YTHDC1: variants seen among roughly 807,000 people sequenced by gnomAD.
The protein encoded by YTHDC1 is YTH N6-methyladenosine RNA binding protein C1, also known as YTH domain-containing protein 1.
YTHDC1 carries 12 observed loss-of-function variants against 107.0 expected under a neutral mutation model. The ratio of observed to expected loss-of-function variants is 0.11; its 90% confidence interval spans 0.07 to 0.18. The LOEUF (loss-of-function observed/expected upper bound fraction) is 0.18. Among genes scored for constraint, YTHDC1 ranks in the 10% least tolerant of loss-of-function variants. The probability of loss-of-function intolerance (pLI) is 1.00; values close to 1 mark genes in which losing one functional copy is unlikely to be tolerated. For missense variants in YTHDC1, 635 were observed against 898.8 expected (o/e 0.71, Z 3.75); for synonymous variants, 280 against 289.5 (o/e 0.97, Z 0.33).
chr4:68,341,087 T>C (rs1444833688), intron 1 of YTHDC1, among the ~76,000 whole-genome samples: 2 of 152,124 alleles, frequency 1.3e-5, no homozygotes, highest in South Asian at 2.1e-4. Flanking sequence ...ATATATCATA[T>C]ATACAAATCA....
At chr4:68,338,497 A>G in intron 1 of YTHDC1, 113 bp from the exon 2 acceptor site, 1 of 661,524 alleles carries the variant, frequency 1.5e-6, no homozygotes, top group Non-Finnish European at 2.5e-6. Context: ...CTTTTATATA[A>G]AAAGCTTTAC....
intron 9 of YTHDC1, among the ~76,000 whole-genome samples, chr4:68,326,744 C>T (rs1466912865): frequency 6.6e-6 from 1 of 151,804 alleles, no homozygotes; most frequent in Non-Finnish European, 1.5e-5. Context: ...GCATGCGCCA[C>T]CACATCTGGC....
At chr4:68,318,305 A>G (rs1722084041) in intron 15 of YTHDC1, among the ~76,000 whole-genome samples, 2 of 152,052 alleles carry the variant, frequency 1.3e-5, no homozygotes, top group South Asian at 2.1e-4. Flanking sequence ...TTTCAGTTTC[A>G]CCGTGTTGGC....
In YTHDC1 at chr4:68,337,088, A is replaced by C. The variant is rs1724250922; in HGVS notation, c.822T>G (p.Gly274=). The part of the protein sequence containing the change: ...YDTRSEASDS[G]SESVSFTDGS... ...CATCTGTGAAGGAAACAGATTCAGA[A>C]CCAGAGTCACTGGCCTCACTTCGAG... Residue 274 remains glycine (G), a synonymous_variant, in exon 4 of 17, where the codon GGT becomes GGG. Coordinates refer to ENST00000344157, the MANE Select transcript of YTHDC1 (RefSeq NM_001031732.4). 6.2e-7 allele frequency: 1 copy of C among 1,613,956 alleles called. No individual in the cohort carries two copies. The highest frequency in any genetic ancestry group is 1.1e-5 in the South Asian group (1 of 91,074).
intron 1 of YTHDC1, among the ~76,000 whole-genome samples, chr4:68,348,716 T>C (rs1725721050): frequency 6.6e-6 from 1 of 152,172 alleles, no homozygotes; most frequent in African/African-American, 2.4e-5. Flanking sequence ...CTAATGTAAC[T>C]TGACTCTAGA....
chr4:68,310,653 G>A lies in YTHDC1; in HGVS notation c.*3446C>T, dbSNP rs1721238319. 6.6e-6 allele frequency: 1 copy of A among 152,118 alleles called. No individual in the cohort carries two copies. Among genetic ancestry groups the A allele is most frequent in the Admixed American group, 6.5e-5 (1 of 15,278 alleles). 9.4% of individuals were successfully genotyped at this position (152,118 alleles called of 1,614,324 possible). Reference sequence around the variant, plus strand: ...TTCCTGTGTGCCTCAATTTTAATATGTGTTTCAAACTGCATTTGGAATGTT... The same window carrying A: ...TTCCTGTGTGCCTCAATTTTAATATATGTTTCAAACTGCATTTGGAATGTT... On this transcript the variant is annotated 3_prime_UTR_variant, in exon 17 of 17. Coordinates refer to ENST00000344157, the MANE Select transcript of YTHDC1 (RefSeq NM_001031732.4).
intron 1 of YTHDC1, among the ~76,000 whole-genome samples, chr4:68,349,183 A>AT (rs1725787505): frequency 6.6e-6 from 1 of 152,196 alleles, no homozygotes; most frequent in Admixed American, 6.5e-5. Flanking sequence ...TTTTTCCAAA[A>AT]TAAGTATTCG....
intron 15 of YTHDC1, 150 bp from the exon 16 acceptor site, chr4:68,316,598 C>A: frequency 1.1e-6 from 1 of 872,074 alleles, no homozygotes; most frequent in Non-Finnish European, 1.7e-6. Context: ...TCAAAATATG[C>A]TTTTTGTCGA....
intron 4 of YTHDC1, among the ~76,000 whole-genome samples, 187 bp downstream of exon 4, chr4:68,336,840 C>T (rs903264739): frequency 3.3e-5 from 5 of 152,218 alleles, no homozygotes; most frequent in South Asian, 2.1e-4. Context: ...AATGCCTTTC[C>T]TAAAATATGT....
rs1338308105 is a variant in YTHDC1, at chr4:68,324,232, AAAGT to A, written c.1350-13_1350-10del. 1 of 1,607,080 alleles carries A rather than the reference AAAGT, an allele frequency of 6.2e-7. No homozygotes were observed. The highest frequency in any genetic ancestry group is 1.3e-5 in the African/African-American group (1 of 74,752). On this transcript the variant is annotated splice_polypyrimidine_tract_variant and intron_variant, in intron 9 of 16. Transcript: ENST00000344157. Reference sequence around the variant, plus strand: ...TGAAGGGTAATTCACGCCTAAATACAAAGTAATATCAATTACATTCTTCTGCAGA... The same window carrying A: ...TGAAGGGTAATTCACGCCTAAATACAAATATCAATTACATTCTTCTGCAGA...
At chr4:68,345,115 T>C (rs1027878348) in intron 1 of YTHDC1, among the ~76,000 whole-genome samples, 6 of 152,234 alleles carry the variant, frequency 3.9e-5, no homozygotes, top group Non-Finnish European at 8.8e-5. Context: ...TAGCTGTTTG[T>C]TGCTTGGCTG....
intron 4 of YTHDC1, among the ~76,000 whole-genome samples, chr4:68,334,520 A>C (rs1379621251): frequency 6.6e-6 from 1 of 152,122 alleles, no homozygotes; most frequent in Non-Finnish European, 1.5e-5. Flanking sequence ...GAGCAAGTAG[A>C]AAGGATGTTT....
chr4:68,343,657 C>A (rs1351692897), intron 1 of YTHDC1, among the ~76,000 whole-genome samples: 8 of 151,776 alleles, frequency 5.3e-5, no homozygotes. Context: ...CTGCCTCAGC[C>A]TCCCAAGTAG....
chr4:68,330,028 A>C lies in YTHDC1; in HGVS notation c.1323T>G (p.Gly441=). 1 of 1,613,654 alleles carries C rather than the reference A, an allele frequency of 6.2e-7. No individual in the cohort carries two copies. The highest frequency in any genetic ancestry group is 8.5e-7 in the Non-Finnish European group (1 of 1,179,674). ...TGCAAATCCAGTCAATTTTAAAGAC[A>C]CCTCCCAGCATTTTAGCACTCATTC... The part of the protein sequence containing the change: ...PAGMSAKMLG[G]VFKIDWICRR... The change falls in exon 9 of 17, where the codon GGT becomes GGG. Residue 441 remains glycine (G), a synonymous_variant. Coordinates refer to ENST00000344157, the MANE Select transcript of YTHDC1 (RefSeq NM_001031732.4).
chr4:68,317,892 G>A (rs1490906310), intron 15 of YTHDC1, among the ~76,000 whole-genome samples: 1 of 152,152 alleles, frequency 6.6e-6, no homozygotes, highest in African/African-American at 2.4e-5. Flanking sequence ...TTTTACAGAT[G>A]AGGAAAACTA....
At chr4:68,340,800 C>T (rs1487339922) in intron 1 of YTHDC1, among the ~76,000 whole-genome samples, 2 of 151,972 alleles carry the variant, frequency 1.3e-5, no homozygotes, top group Non-Finnish European at 2.9e-5. Context: ...GAACCCTGAA[C>T]ATTTATATTA....
Position 68,337,801 on chromosome 4 carries a change from G to A in YTHDC1, c.230C>T (p.Ser77Phe). The A allele has an allele frequency of 6.2e-7, 1 of 1,614,054 alleles. No homozygotes were observed. The highest frequency in any genetic ancestry group is 8.5e-7 in the Non-Finnish European group (1 of 1,180,024). The change falls in exon 3 of 17, where the codon TCT (serine) becomes TTT (phenylalanine). Residue 77 changes from serine (S) to phenylalanine (F), a missense_variant. This residue lies in a region of YTHDC1 where 294 missense variants were observed against 312.3 expected (regional missense o/e 0.94). Coordinates refer to ENST00000344157, the MANE Select transcript of YTHDC1 (RefSeq NM_001031732.4). ...RQLVSKPLSS[S>F]VSNNKRIVST... is the part of the protein sequence containing the mutation. The stretch of plus-strand genomic sequence containing the variant: ...AACTATTCTTTTGTTATTGCTAACA[G>A]ATGAGCTCAGTGGCTTAGAAACCAG...
Position 68,347,419 on chromosome 4 carries a change from ATCACAGGGAGCTAGCAAT to A in YTHDC1, c.28+2289_28+2306del, listed in dbSNP as rs1725572408. Among the ~76,000 whole-genome samples, 3 of 152,308 alleles carry A rather than the reference ATCACAGGGAGCTAGCAAT, an allele frequency of 2.0e-5. No individual in the cohort carries two copies. In the South Asian group the frequency reaches 6.2e-4, roughly 32 times the overall value. On this transcript the variant is annotated intron_variant, in intron 1 of 16. Coordinates refer to ENST00000344157, the MANE Select transcript of YTHDC1 (RefSeq NM_001031732.4). Reference sequence around the variant, plus strand: ...TCTTGGGCAAATTATCACCACAGGAATCACAGGGAGCTAGCAATCTGTCCACTTATATGGGCTGCAGCT... The same window carrying A: ...TCTTGGGCAAATTATCACCACAGGAACTGTCCACTTATATGGGCTGCAGCT...
Position 68,337,806 on chromosome 4 carries a change from G to A in YTHDC1, c.225C>T (p.Ser75=), listed in dbSNP as rs1420964048. Residue 75 remains serine, a synonymous_variant, in exon 3 of 17, where the codon AGC becomes AGT. Coordinates refer to ENST00000344157, the MANE Select transcript of YTHDC1 (RefSeq NM_001031732.4). Reference sequence around the variant, plus strand: ...TTCTTTTGTTATTGCTAACAGATGAGCTCAGTGGCTTAGAAACCAGTTGTC... The same window carrying A: ...TTCTTTTGTTATTGCTAACAGATGAACTCAGTGGCTTAGAAACCAGTTGTC... ...HSRQLVSKPL[S]SSVSNNKRIV... 6.2e-7 allele frequency: 1 copy of A among 1,613,900 alleles called. No individual in the cohort carries two copies. The highest frequency in any genetic ancestry group is 8.5e-7 in the Non-Finnish European group (1 of 1,180,032).
Sources: gnomAD v4.1 joint callset for allele counts (sites outside exome capture counted in the v4.1 genomes callset) on GRCh38, gnomAD v4.1.1 for gene constraint, gnomAD v4.1.1 regional missense constraint, MANE v1.5 for transcripts, NCBI Gene and HGNC (gene_info 2026-07-23, HGNC 2026-07-21) for gene names.